Variants in PKNOX2 observed in about 807,000 individuals in gnomAD.
The protein encoded by PKNOX2 is homeobox protein PKNOX2.
In PKNOX2, 14 loss-of-function variants were observed where a neutral mutation model predicts 53.1. The observed-to-expected ratio is 0.26, with a 90% CI of 0.17 to 0.41. PKNOX2 has a LOEUF of 0.41. Ranked by LOEUF, PKNOX2 falls within the 10% of genes least tolerant of loss-of-function variation. The pLI, the probability that PKNOX2 is intolerant of heterozygous loss-of-function variation, is 1.00. For synonymous variants in PKNOX2, 257 were observed against 242.8 expected, an observed-to-expected ratio of 1.06 and a Z score of -0.54; for missense variants, 496 against 602.8, an observed-to-expected ratio of 0.82 and a Z score of 1.85.
chr11:125,245,443 C>A (rs1338890934), intron 2 of PKNOX2, among the ~76,000 whole-genome samples: 1 of 152,250 alleles, frequency 6.6e-6, no homozygotes, highest in African/African-American at 2.4e-5. Flanking sequence ...GGATTCAGAC[C>A]TGGGTCTGCA....
chr11:125,355,658 G>A (rs1359900824), intron 4 of PKNOX2, among the ~76,000 whole-genome samples: 1 of 152,124 alleles, frequency 6.6e-6, no homozygotes, highest in African/African-American at 2.4e-5. Flanking sequence ...CTGGCTGTCA[G>A]CTGGACTTTC....
chr11:125,397,269 C>T (rs1468840488), intron 6 of PKNOX2, among the ~76,000 whole-genome samples: 3 of 152,276 alleles, frequency 2.0e-5, no homozygotes, highest in East Asian at 1.9e-4. Flanking sequence ...ATCCACAGAG[C>T]GTCCACAAGG....
intron 5 of PKNOX2, among the ~76,000 whole-genome samples, chr11:125,379,382 T>A (rs955795327): frequency 1.3e-5 from 2 of 152,158 alleles, no homozygotes; most frequent in Admixed American, 6.5e-5. Context: ...GCCATCTTTT[T>A]TTGAGTCTTT....
At chr11:125,190,931 C>G (rs577609888) in intron 1 of PKNOX2, 3 of 152,340 alleles carry the variant, frequency 2.0e-5, no homozygotes, top group African/African-American at 7.2e-5. Context: ...TGAACTAGGG[C>G]TGGAATTATT....
At chr11:125,198,395 C>T (rs1056690054) in intron 1 of PKNOX2, among the ~76,000 whole-genome samples, 11 of 152,202 alleles carry the variant, frequency 7.2e-5, no homozygotes, top group South Asian at 2.1e-4. Flanking sequence ...CAGTTTCAGC[C>T]GCGGATCCCC....
intron 4 of PKNOX2, among the ~76,000 whole-genome samples, chr11:125,360,438 C>T (rs73618185): frequency 0.036 from 5,462 of 152,256 alleles, 339 homozygotes; most frequent in African/African-American, 0.12. Flanking sequence ...CATATGGTCT[C>T]GCAGTAGCCC....
intron 1 of PKNOX2, among the ~76,000 whole-genome samples, chr11:125,206,974 G>C (rs2135427893): frequency 6.8e-6 from 1 of 147,650 alleles, no homozygotes; most frequent in African/African-American, 2.5e-5. Context: ...TGCTGTGAGA[G>C]AGGGAGGGGC....
chr11:125,201,505 G>A (rs1335666782), intron 1 of PKNOX2, among the ~76,000 whole-genome samples: 1 of 152,222 alleles, frequency 6.6e-6, no homozygotes, highest in Non-Finnish European at 1.5e-5. Flanking sequence ...AAGGCTGGCT[G>A]GAGAAGGTGC....
chr11:125,419,780 C>T (rs1956074950), intron 10 of PKNOX2, among the ~76,000 whole-genome samples: 1 of 151,432 alleles, frequency 6.6e-6, no homozygotes, highest in Non-Finnish European at 1.5e-5. Context: ...GTGATAATCC[C>T]AGCACTTTAG....
intron 2 of PKNOX2, among the ~76,000 whole-genome samples, chr11:125,235,725 T>C (rs2135571879): frequency 6.6e-6 from 1 of 152,324 alleles, no homozygotes; most frequent in African/African-American, 2.4e-5. Context: ...TAACGCCAGC[T>C]GGAAGCGATC....
At chr11:125,299,454 A>C (rs1294951412) in intron 2 of PKNOX2, among the ~76,000 whole-genome samples, 1 of 150,292 alleles carries the variant, frequency 6.7e-6, no homozygotes, top group Non-Finnish European at 1.5e-5. Flanking sequence ...TCGGTGGAGA[A>C]ATGGAGAGCT....
intron 5 of PKNOX2, among the ~76,000 whole-genome samples, chr11:125,372,644 CA>C (rs1216664046): frequency 6.6e-6 from 1 of 152,214 alleles, no homozygotes; most frequent in Non-Finnish European, 1.5e-5. Flanking sequence ...ATCTTCACTC[CA>C]AACTTCTCCA....
intron 2 of PKNOX2, among the ~76,000 whole-genome samples, chr11:125,286,193 G>A (rs1335301718): frequency 6.6e-6 from 1 of 152,202 alleles, no homozygotes; most frequent in African/African-American, 2.4e-5. Context: ...AAAAACAGAT[G>A]TGGGGCCAGG....
At chr11:125,325,059 G>A (rs1453497941) in intron 2 of PKNOX2, among the ~76,000 whole-genome samples, 1 of 152,192 alleles carries the variant, frequency 6.6e-6, no homozygotes, top group Non-Finnish European at 1.5e-5. Context: ...GCAAGTGAAA[G>A]GCTTTTTCTA....
intron 1 of PKNOX2, among the ~76,000 whole-genome samples, chr11:125,170,959 C>T (rs1406439907): frequency 6.8e-6 from 1 of 146,906 alleles, no homozygotes; most frequent in Non-Finnish European, 1.5e-5. Context: ...TGGGGGTGCC[C>T]AGTGGGGGAG....
At chr11:125,333,107 A>G (rs560657307) in intron 3 of PKNOX2, among the ~76,000 whole-genome samples, 14 of 152,340 alleles carry the variant, frequency 9.2e-5, no homozygotes, top group African/African-American at 3.4e-4. Context: ...TCTGTGTAGC[A>G]GAGTGATGTC....
At chr11:125,323,564 G>C (rs1949651532) in intron 2 of PKNOX2, among the ~76,000 whole-genome samples, 1 of 152,168 alleles carries the variant, frequency 6.6e-6, no homozygotes, top group Admixed American at 6.5e-5. Flanking sequence ...CATCACAGGA[G>C]GAAATAGAGC....
At chr11:125,183,203 T>TCTGACAGTAGC (rs1565463506) in intron 1 of PKNOX2, among the ~76,000 whole-genome samples, 1 of 46,508 alleles carries the variant, frequency 2.2e-5, no homozygotes, top group African/African-American at 6.5e-5. Flanking sequence ...GAATCCTTTT[T>TCTGACAGTAGC]TTTTTTTTTT....
At chr11:125,331,115 C>T in intron 2 of PKNOX2, among the ~76,000 whole-genome samples, 1 of 152,042 alleles carries the variant, frequency 6.6e-6, no homozygotes, top group Non-Finnish European at 1.5e-5. Flanking sequence ...GAGTGTCCGG[C>T]CAGACCTTAT....
Sources: allele counts gnomAD v4.1 joint callset (sites outside exome capture counted in the v4.1 genomes callset), GRCh38; gene constraint gnomAD v4.1.1; transcripts MANE v1.5; gene names NCBI Gene and HGNC (gene_info 2026-07-23, HGNC 2026-07-21).